The following ADAM20 variants were observed in gnomAD, a reference collection of about 807,000 sequenced individuals.
ADAM20 encodes disintegrin and metalloproteinase domain-containing protein 20.
For missense variants in ADAM20, 871 were observed against 883.2 expected (o/e 0.99, Z 0.18); for synonymous variants, 305 against 310.2 (o/e 0.98, Z 0.18).
chr14:70,539,253 A>T (rs1360744069), upstream of ADAM20, among the ~76,000 whole-genome samples: 1 of 152,070 alleles, frequency 6.6e-6, no homozygotes, highest in Non-Finnish European at 1.5e-5. Context: ...GGATTGTGTA[A>T]AGACAATGCC....
At chr14:70,527,640 A>G (rs76750810) in intron 1 of ADAM20, among the ~76,000 whole-genome samples, 2,952 of 152,280 alleles carry the variant, frequency 0.019, 40 homozygotes, top group African/African-American at 0.05. Flanking sequence ...CTCACATGTC[A>G]AAAGTAAACA....
rs778220921 is a variant in ADAM20, at chr14:70,522,814, G to A, written c.1944C>T (p.Asn648=). The A allele has an allele frequency of 6.2e-6, 10 of 1,613,928 alleles. No homozygotes were observed. Among genetic ancestry groups the A allele is most frequent in the African/African-American group, 4.0e-5 (3 of 74,914 alleles). The stretch of plus-strand genomic sequence containing the variant: ...CATGGTTGCAGTGACAGTGTTGTTT[G>A]TTGTTGCAGATTCCCCTCATGTTGC... The part of the protein sequence containing the change: ...KTCNMRGICN[N]KQHCHCNHEW... The change falls in exon 2 of 2, where the codon AAC becomes AAT. Residue 648 remains asparagine (N), a synonymous_variant. Transcript: ENST00000256389.
At chr14:70,571,100 C>T in the ADAM20 span, among the ~76,000 whole-genome samples, 1 of 152,112 alleles carries the variant, frequency 6.6e-6, no homozygotes, top group South Asian at 2.1e-4. Flanking sequence ...AAGGAACATA[C>T]CTCAAAATAA....
Position 70,523,135 on chromosome 14 carries a change from G to C in ADAM20, c.1623C>G (p.Phe541Leu), listed in dbSNP as rs749257120. ...TTGTGCCTACAATACCACAGTGACC[G>C]AAACGGTTTCCTTGGGTGTTGATTT... is the stretch of plus-strand genomic sequence containing the variant. ...YQEINTQGNR[F>L]GHCGIVGTTY... The change falls in exon 2 of 2, where the codon TTC (phenylalanine) becomes TTG (leucine). Residue 541 changes from phenylalanine (F) to leucine (L), a missense_variant. Phe to Leu is a conservative substitution (Grantham distance 22). Coordinates refer to ENST00000256389, the MANE Select transcript of ADAM20 (RefSeq NM_003814.5). The C allele has an allele frequency of 5.0e-6, 8 of 1,613,986 alleles. 2 individuals are homozygous for C. In the Middle Eastern group the frequency reaches 5.0e-4, roughly 100 times the overall value.
chr14:70,546,853 A>C, the ADAM20 span, among the ~76,000 whole-genome samples: 1 of 152,234 alleles, frequency 6.6e-6, no homozygotes, highest in Non-Finnish European at 1.5e-5. Context: ...ACAAAAGATC[A>C]ACATTTAAAG....
upstream of ADAM20, among the ~76,000 whole-genome samples, chr14:70,536,825 A>G (rs1883847443): frequency 6.6e-6 from 1 of 151,870 alleles, no homozygotes; most frequent in Non-Finnish European, 1.5e-5. Context: ...CTCCAGCCAG[A>G]GACATTCCAA....
At chr14:70,563,774 C>T in the ADAM20 span, among the ~76,000 whole-genome samples, 13 of 152,258 alleles carry the variant, frequency 8.5e-5, no homozygotes, top group South Asian at 2.1e-4. Flanking sequence ...ACTTTACCTT[C>T]GCCATTAGTA....
the ADAM20 span, among the ~76,000 whole-genome samples, chr14:70,543,849 G>A: frequency 2.6e-5 from 4 of 151,980 alleles, no homozygotes; most frequent in South Asian, 2.1e-4. Flanking sequence ...ATAACTATAC[G>A]GTCTAGATTG....
chr14:70,522,448 G>C lies in ADAM20; in HGVS notation c.*129C>G, dbSNP rs1452207733. 1.1e-6 allele frequency: 1 copy of C among 946,056 alleles called. No individual in the cohort carries two copies. The highest frequency in any genetic ancestry group is 1.5e-6 in the Non-Finnish European group (1 of 652,830). The allele number at this position is 946,056 out of a possible 1,614,324, so 58.6% of individuals were successfully genotyped here. Reference sequence around the variant, plus strand: ...TCCTTTGCTGTGATAGCTAATGCTTGCAATCCTGACATGAAATGTCCATGA... The same window carrying C: ...TCCTTTGCTGTGATAGCTAATGCTTCCAATCCTGACATGAAATGTCCATGA... On this transcript the variant is annotated 3_prime_UTR_variant, in exon 2 of 2. Coordinates refer to ENST00000256389, the MANE Select transcript of ADAM20 (RefSeq NM_003814.5).
chr14:70,558,247 T>A, the ADAM20 span, among the ~76,000 whole-genome samples: 9 of 152,330 alleles, frequency 5.9e-5, no homozygotes, highest in Admixed American at 5.9e-4. Context: ...AAAAGTCTTG[T>A]AGTCAAATAC....
chr14:70,522,556 T>C lies in ADAM20; in HGVS notation c.*21A>G. ...TAAAAATGAAGTATAAAGTTTAGTCTCCTTCTTTTTCCCATTTCTCTTATC... is the reference window on the plus strand; with the variant it reads ...TAAAAATGAAGTATAAAGTTTAGTCCCCTTCTTTTTCCCATTTCTCTTATC... On this transcript the variant is annotated 3_prime_UTR_variant, in exon 2 of 2. Transcript: ENST00000256389. The C allele has an allele frequency of 1.3e-6, 2 of 1,531,744 alleles. No individual in the cohort carries two copies. Among genetic ancestry groups the C allele is most frequent in the South Asian group, 1.3e-5 (1 of 78,722 alleles). 94.9% of individuals were successfully genotyped at this position (1,531,744 alleles called of 1,614,324 possible).
chr14:70,561,625 C>T, the ADAM20 span, among the ~76,000 whole-genome samples: 49 of 152,362 alleles, frequency 3.2e-4, no homozygotes, highest in East Asian at 8.5e-3. Flanking sequence ...GTTTTCTGGG[C>T]AAGGCCCAGG....
chr14:70,561,783 G>A, the ADAM20 span, among the ~76,000 whole-genome samples: 1 of 152,258 alleles, frequency 6.6e-6, no homozygotes, highest in African/African-American at 2.4e-5. Context: ...TCCACATGGT[G>A]TTGGGCCTGC....
chr14:70,566,420 T>C, the ADAM20 span, among the ~76,000 whole-genome samples: 1 of 149,900 alleles, frequency 6.7e-6, no homozygotes, highest in African/African-American at 2.5e-5. Flanking sequence ...AGGAAAAAAC[T>C]TACAGGAGAT....
chr14:70,560,667 A>G, the ADAM20 span, among the ~76,000 whole-genome samples: 1 of 152,072 alleles, frequency 6.6e-6, no homozygotes, highest in Non-Finnish European at 1.5e-5. Flanking sequence ...TTCTCATGAT[A>G]ATGATTCTCA....
At chr14:70,567,913 C>G in the ADAM20 span, among the ~76,000 whole-genome samples, 89 of 152,258 alleles carry the variant, frequency 5.8e-4, no homozygotes, top group Non-Finnish European at 1.1e-3. Flanking sequence ...CCTCCCCAAC[C>G]TTTCCTCCAA....
At position 70,524,339 on chromosome 14, in the gene ADAM20, T is replaced by C. The variant is rs1164384520; in HGVS notation, c.419A>G (p.Asp140Gly). The C allele has an allele frequency of 1.2e-6, 2 of 1,613,940 alleles. No homozygotes were observed. Among genetic ancestry groups the C allele is most frequent in the Non-Finnish European group, 1.7e-6 (2 of 1,179,930 alleles). Residue 140 changes from aspartate (D) to glycine (G), a missense_variant, in exon 2 of 2, where the codon GAC becomes GGC. Transcript: ENST00000256389. ...AATTGGCTTGATTTCATAAACAAGG[T>C]CATTTATCTGTAGCATTCCAAGAAA... Reference protein sequence around the residue: ...GGFLGMLQINDLVYEIKPISV... With the variant: ...GGFLGMLQINGLVYEIKPISV...
chr14:70,561,959 CAT>C, the ADAM20 span, among the ~76,000 whole-genome samples: 3 of 152,236 alleles, frequency 2.0e-5, no homozygotes, highest in African/African-American at 4.8e-5. Context: ...GGAGTCCCCA[CAT>C]AGAGTCCCCA....
At chr14:70,555,529 ACT>A in the ADAM20 span, among the ~76,000 whole-genome samples, 1 of 151,682 alleles carries the variant, frequency 6.6e-6, no homozygotes. Context: ...TTCTTGGGAA[ACT>A]CTTGCATTAA....
Sources: allele counts gnomAD v4.1 joint callset (sites outside exome capture counted in the v4.1 genomes callset), GRCh38; gene constraint gnomAD v4.1.1; transcripts MANE v1.5; gene names NCBI Gene and HGNC (gene_info 2026-07-23, HGNC 2026-07-21).